KDM4C: variants seen among roughly 807,000 people sequenced by gnomAD.
KDM4C encodes lysine demethylase 4C, also known as lysine-specific demethylase 4C.
KDM4C carries 81 observed loss-of-function variants against 129.3 expected under a neutral mutation model. The ratio of observed to expected loss-of-function variants is 0.63; its 90% CI spans 0.52 to 0.75. The LOEUF (loss-of-function observed/expected upper bound fraction) is 0.75, where lower values mean the gene tolerates loss of function less well. Among genes scored for constraint, KDM4C ranks in the 30% least tolerant of loss-of-function variants. KDM4C has a pLI of 0.00. For synonymous variants in KDM4C, 573 were observed against 456.1 expected, an observed-to-expected ratio of 1.26 and a Z score of -3.26; for missense variants, 1,457 against 1,304.0, an observed-to-expected ratio of 1.12 and a Z score of -1.81.
At chr9:7,012,240 A>T (rs978465643) in intron 13 of KDM4C, among the ~76,000 whole-genome samples, 1 of 151,984 alleles carries the variant, frequency 6.6e-6, no homozygotes, top group African/African-American at 2.4e-5. Context: ...CTAATTTTTT[A>T]AATTTATTTT....
chr9:7,029,961 GC>G (rs1398041397), intron 15 of KDM4C, among the ~76,000 whole-genome samples: 1 of 152,098 alleles, frequency 6.6e-6, no homozygotes, highest in Non-Finnish European at 1.5e-5. Context: ...CTTCTAGGGA[GC>G]TTTTTTGTTA....
chr9:6,930,689 ATTAT>A (rs1823543369), intron 8 of KDM4C, among the ~76,000 whole-genome samples: 1 of 108,726 alleles, frequency 9.2e-6, no homozygotes, highest in East Asian at 2.2e-4. Flanking sequence ...TAATATATTA[ATTAT>A]TAACATATCA....
intron 5 of KDM4C, among the ~76,000 whole-genome samples, chr9:6,867,837 T>C (rs1486877441): frequency 6.6e-6 from 1 of 152,138 alleles, no homozygotes. Flanking sequence ...TCCCCTGCAC[T>C]TCCCCACTGT....
At chr9:6,772,640 T>C (rs1197941004) in intron 1 of KDM4C, among the ~76,000 whole-genome samples, 1 of 151,762 alleles carries the variant, frequency 6.6e-6, no homozygotes, top group African/African-American at 2.4e-5. Flanking sequence ...GGATTACAGG[T>C]GTGAGCCACT....
intron 12 of KDM4C, among the ~76,000 whole-genome samples, chr9:7,008,095 A>T (rs922749908): frequency 2.0e-5 from 3 of 152,266 alleles, no homozygotes; most frequent in Middle Eastern, 3.4e-3. Context: ...GTTTTGCATT[A>T]CCTGTATTAC....
At chr9:6,771,120 G>A (rs1379571460) in intron 1 of KDM4C, among the ~76,000 whole-genome samples, 2 of 120,074 alleles carry the variant, frequency 1.7e-5, no homozygotes, top group Admixed American at 9.7e-5. Flanking sequence ...AAGAGATGAG[G>A]TCTCTCCAAG....
chr9:6,859,473 CAAA>C (rs58056883), intron 5 of KDM4C, among the ~76,000 whole-genome samples: 177 of 47,836 alleles, frequency 3.7e-3, no homozygotes, highest in African/African-American at 0.013. Flanking sequence ...GACTCTGTCT[CAAA>C]AAAAAAAAAA....
chr9:7,050,636 C>T (rs1199524170), intron 17 of KDM4C, among the ~76,000 whole-genome samples: 1 of 152,092 alleles, frequency 6.6e-6, no homozygotes, highest in East Asian at 1.9e-4. Context: ...CAAAATTCTA[C>T]ACCACCTTTT....
chr9:6,873,037 C>A (rs1270063313), intron 5 of KDM4C, among the ~76,000 whole-genome samples: 3 of 152,166 alleles, frequency 2.0e-5, no homozygotes, highest in Non-Finnish European at 4.4e-5. Context: ...AGCAATTGTC[C>A]TGCCTCAGCC....
At chr9:7,148,130 G>A (rs553093123) in intron 19 of KDM4C, among the ~76,000 whole-genome samples, 1 of 152,354 alleles carries the variant, frequency 6.6e-6, no homozygotes, top group Non-Finnish European at 1.5e-5. Context: ...CCAGATATAC[G>A]ACAAGCAGCT....
upstream of KDM4C, among the ~76,000 whole-genome samples, chr9:6,756,206 G>A (rs1053274759): frequency 6.6e-6 from 1 of 152,074 alleles, no homozygotes; most frequent in Non-Finnish European, 1.5e-5. Context: ...TAACAATGAG[G>A]TATTAATAGT....
chr9:7,170,205 A>G (rs1844823377), intron 21 of KDM4C: 1 of 1,218,898 alleles, frequency 8.2e-7, no homozygotes, highest in Non-Finnish European at 1.0e-6. Context: ...CAAAGATACC[A>G]TCAAGGCATT....
chr9:7,133,361 T>C (rs1840847618), intron 19 of KDM4C, among the ~76,000 whole-genome samples: 1 of 152,196 alleles, frequency 6.6e-6, no homozygotes, highest in South Asian at 2.1e-4. Flanking sequence ...GCTGGGTCCA[T>C]TTATCATTCC....
upstream of KDM4C, among the ~76,000 whole-genome samples, chr9:6,754,303 C>T (rs928255392): frequency 2.6e-5 from 4 of 151,926 alleles, no homozygotes; most frequent in African/African-American, 9.7e-5. Context: ...ACCTCTGCCT[C>T]CTGGATTCAA....
intron 18 of KDM4C, among the ~76,000 whole-genome samples, chr9:7,110,358 T>G (rs1156235817): frequency 1.3e-5 from 2 of 152,232 alleles, no homozygotes; most frequent in African/African-American, 2.4e-5. Context: ...AAATAGCATT[T>G]TTTTTCAAAT....
chr9:6,982,025 G>A (rs1026528299), intron 9 of KDM4C: 1 of 151,964 alleles, frequency 6.6e-6, no homozygotes, highest in Non-Finnish European at 1.5e-5. Context: ...CAAAATTGGG[G>A]CCATGCTCTG....
chr9:7,103,650 G>A (rs757360984), intron 17 of KDM4C, 35 bp from the exon 18 acceptor site: 17 of 1,447,498 alleles, frequency 1.2e-5, no homozygotes, highest in Non-Finnish European at 1.5e-5. Context: ...GTTACAGAAT[G>A]TGAATTGATG....
chr9:6,834,538 G>A (rs1385305356), intron 4 of KDM4C: 9 of 677,910 alleles, frequency 1.3e-5, no homozygotes, highest in Admixed American at 3.9e-5. Context: ...GATGACCCCC[G>A]GCCGTCTTCC....
At chr9:6,835,140 G>A (rs1339165621) in intron 4 of KDM4C, 12 of 983,400 alleles carry the variant, frequency 1.2e-5, no homozygotes, top group Non-Finnish European at 1.8e-5. Flanking sequence ...TGGCCATGGC[G>A]GCTTCCAGCT....
Sources: gnomAD v4.1 joint callset for allele counts (sites outside exome capture counted in the v4.1 genomes callset) on GRCh38, gnomAD v4.1.1 for gene constraint, MANE v1.5 for transcripts, NCBI Gene and HGNC (gene_info 2026-07-23, HGNC 2026-07-21) for gene names.